Variants in IGSF3 observed in about 807,000 individuals in gnomAD.
IGSF3 encodes glu-Trp-Ile EWI motif-containing protein 3.
A neutral mutation model predicts 114.4 loss-of-function variants in IGSF3; 23 were observed. The ratio of observed to expected loss-of-function variants is 0.20; its 90% CI spans 0.14 to 0.28. The LOEUF is 0.28. Among genes scored for constraint, IGSF3 ranks in the 10% least tolerant of loss-of-function variants. The pLI is 1.00. For missense variants in IGSF3, 1,172 were observed against 1,591.5 expected (o/e 0.74, Z 4.48); for synonymous variants, 571 against 645.2 (o/e 0.88, Z 1.74).
rs1171134446 is a variant in IGSF3, at chr1:116,647,550, A to T, written c.43+18734T>A. ...CTAAGTGCTTTCCTCAGATGTTTCCATTTAACTCTTAAAATCACCCTAATG... is the reference window on the plus strand; with the variant it reads ...CTAAGTGCTTTCCTCAGATGTTTCCTTTTAACTCTTAAAATCACCCTAATG... On this transcript the variant is annotated intron_variant, in intron 2 of 10. Coordinates refer to ENST00000369486, the MANE Select transcript of IGSF3 (RefSeq NM_001007237.3). This position sits in a 1 kb window ranked among gnomAD's most constrained non-coding sequence, Gnocchi z 4.6. 1.3e-5 allele frequency among the ~76,000 whole-genome samples: 2 copies of T among 152,236 alleles called. No individual in the cohort carries two copies. Among genetic ancestry groups the T allele is most frequent in the African/African-American group, 4.8e-5 (2 of 41,460 alleles).
rs758570352 is a variant in IGSF3 at position 116,614,608 on chromosome 1, C to T, written c.422-433G>A. Among the ~76,000 whole-genome samples the T allele has an allele frequency of 6.6e-6, 1 of 152,212 alleles. No individual in the cohort carries two copies. The highest frequency in any genetic ancestry group is 1.5e-5 in the Non-Finnish European group (1 of 68,046). ...GAACTTTTAGTTTTACATTTCTATACAACATCCTTTCTTTCCTTCCCACAT... is the reference window on the plus strand; with the variant it reads ...GAACTTTTAGTTTTACATTTCTATATAACATCCTTTCTTTCCTTCCCACAT... On this transcript the variant is annotated intron_variant, in intron 3 of 10. Transcript: ENST00000369486. This position sits in a 1 kb window ranked among gnomAD's most constrained non-coding sequence, Gnocchi z 4.5.
intron 4 of IGSF3, 125 bp downstream of exon 4, chr1:116,613,640 T>C: frequency 1.1e-6 from 1 of 895,532 alleles, no homozygotes. Context: ...AGACCGGCTT[T>C]AACTTCACAT....
chr1:116,666,850 C>T lies in IGSF3; in HGVS notation c.-524G>A. ...CTTCACCAAAAAGTCCGTTTCCATC[C>T]ATGGTGGTAGGTCACGGAGGCGCCA... On this transcript the variant is annotated 5_prime_UTR_variant, in exon 2 of 11. The change abolishes an upstream ATG in the 5' untranslated region. Coordinates refer to ENST00000369486, the MANE Select transcript of IGSF3 (RefSeq NM_001007237.3). The T allele has an allele frequency of 2.5e-6, 1 of 408,062 alleles. No homozygotes were observed. The highest frequency in any genetic ancestry group is 4.3e-6 in the Non-Finnish European group (1 of 231,510). The allele number at this position is 408,062 out of a possible 1,614,324, so 25.3% of individuals were successfully genotyped here. A position where few individuals can be genotyped will look rare whatever the true frequency, so the allele number is the denominator to read the frequency against.
At chr1:116,606,392 T>G (rs531215536) in intron 5 of IGSF3, 172 of 1,557,126 alleles carry the variant, frequency 1.1e-4, no homozygotes, top group South Asian at 9.3e-4. Context: ...AGATGATATA[T>G]GCAGAAGCAC....
intron 9 of IGSF3, among the ~76,000 whole-genome samples, chr1:116,581,986 A>G (rs1403885849): frequency 6.6e-6 from 1 of 152,212 alleles, no homozygotes; most frequent in Non-Finnish European, 1.5e-5. Context: ...TATCATGGCC[A>G]GGGGCAAGAT....
rs201029133 is a variant in IGSF3 at position 116,588,914 on chromosome 1, T to G, written c.2220A>C (p.Glu740Asp). The G allele has an allele frequency of 3.7e-6, 6 of 1,614,166 alleles. No individual in the cohort carries two copies. Among genetic ancestry groups the G allele is most frequent in the Non-Finnish European group, 5.1e-6 (6 of 1,180,016 alleles). ...ILKTTHNSAF[E>D]YGTYAEEEGL... ...CCTCCTCCTCGGCGTAAGTACCGTATTCAAAGGCGGAGTTGTGGGTGGTCT... is the reference window on the plus strand; with the variant it reads ...CCTCCTCCTCGGCGTAAGTACCGTAGTCAAAGGCGGAGTTGTGGGTGGTCT... Residue 740 changes from glutamate (E) to aspartate (D), a missense_variant, in exon 8 of 11, where the codon GAA (glutamate) becomes GAC (aspartate). Glu to Asp is a conservative substitution (Grantham distance 45). Around this residue, in one of 3 missense-constraint regions of IGSF3, gnomAD observed 736 missense variants for 1,042.0 expected, o/e 0.71. Transcript: ENST00000369486. This position sits in a 1 kb window ranked among gnomAD's most constrained non-coding sequence, Gnocchi z 4.9.
chr1:116,579,284 A>T lies in IGSF3; in HGVS notation c.3334+108T>A. 7.3e-7 allele frequency: 1 copy of T among 1,376,164 alleles called. No individual in the cohort carries two copies. The highest frequency in any genetic ancestry group is 9.9e-7 in the Non-Finnish European group (1 of 1,012,412). 85.2% of individuals were successfully genotyped at this position (1,376,164 alleles called of 1,614,324 possible). ...TCTCAAATCCTACTAATAAATGCCC[A>T]TGACAGTTAAGAAAACTGTTTATTA... On this transcript the variant is annotated intron_variant, in intron 10 of 10. Coordinates refer to ENST00000369486, the MANE Select transcript of IGSF3 (RefSeq NM_001007237.3). The surrounding 1 kb of genome is among the most constrained non-coding windows in gnomAD (Gnocchi z 6.4).
intron 2 of IGSF3, among the ~76,000 whole-genome samples, chr1:116,635,689 C>T (rs1465184644): frequency 2.6e-5 from 4 of 152,230 alleles, no homozygotes; most frequent in African/African-American, 9.6e-5. Flanking sequence ...TGTTGGGACA[C>T]TGAAGTATTC....
chr1:116,650,839 T>G lies in IGSF3; in HGVS notation c.43+15445A>C, dbSNP rs182829390. ...TGCACAGAAAATGGAAAAAGAGCCA[T>G]GAAATCCAAACAGATGCAAAAACGT... On this transcript the variant is annotated intron_variant, in intron 2 of 10. Coordinates refer to ENST00000369486, the MANE Select transcript of IGSF3 (RefSeq NM_001007237.3). This position sits in a 1 kb window ranked among gnomAD's most constrained non-coding sequence, Gnocchi z 5.0. Among the ~76,000 whole-genome samples, 2 of 152,214 alleles carry G rather than the reference T, an allele frequency of 1.3e-5. No homozygotes were observed. Among genetic ancestry groups the G allele is most frequent in the Admixed American group, 6.5e-5 (1 of 15,290 alleles).
chr1:116,658,512 T>A (rs1648965312), intron 2 of IGSF3, among the ~76,000 whole-genome samples: 1 of 152,060 alleles, frequency 6.6e-6, no homozygotes. Context: ...CGCCCACCTG[T>A]CTCTAGCCCA....
intron 2 of IGSF3, among the ~76,000 whole-genome samples, chr1:116,621,687 G>A (rs1661425756): frequency 6.6e-6 from 1 of 152,050 alleles, no homozygotes. Context: ...ACATACACAT[G>A]AGTGTGTTCT....
At chr1:116,660,211 T>G (rs917753139) in intron 2 of IGSF3, among the ~76,000 whole-genome samples, 1 of 152,232 alleles carries the variant, frequency 6.6e-6, no homozygotes, top group African/African-American at 2.4e-5. Flanking sequence ...TTATCAGGAC[T>G]TAATTGGGAG....
chr1:116,666,136 G>A (rs1649321225), intron 2 of IGSF3, 148 bp downstream of exon 2: 4 of 758,810 alleles, frequency 5.3e-6, no homozygotes, highest in South Asian at 1.4e-5. Context: ...GGGCCTCTTC[G>A]TACTCTACTC....
Position 116,583,273 on chromosome 1 carries a change from C to T in IGSF3, c.2848+1372G>A, listed in dbSNP as rs1187183050. 6.6e-6 allele frequency among the ~76,000 whole-genome samples: 1 copy of T among 152,204 alleles called. No individual in the cohort carries two copies. Among genetic ancestry groups the T allele is most frequent in the Non-Finnish European group, 1.5e-5 (1 of 68,040 alleles). On this transcript the variant is annotated intron_variant, in intron 9 of 10. Coordinates refer to ENST00000369486, the MANE Select transcript of IGSF3 (RefSeq NM_001007237.3). This position sits in a 1 kb window ranked among gnomAD's most constrained non-coding sequence, Gnocchi z 4.5. ...TGGGAGGGAGTTGAGGGAGTGGGGG[C>T]ACTCAGCTGCCATTCTCTACAATTT...
chr1:116,617,997 G>T (rs1251028794), intron 2 of IGSF3, among the ~76,000 whole-genome samples: 1 of 152,234 alleles, frequency 6.6e-6, no homozygotes, highest in Non-Finnish European at 1.5e-5. Flanking sequence ...GATCCAGCTG[G>T]TGAACAGCCG....
At position 116,634,196 on chromosome 1, in the gene IGSF3, C is replaced by T. The variant is rs1390613204; in HGVS notation, c.44-17739G>A. Among the ~76,000 whole-genome samples, 1 of 152,168 alleles carries T rather than the reference C, an allele frequency of 6.6e-6. No homozygotes were observed. The highest frequency in any genetic ancestry group is 1.5e-5 in the Non-Finnish European group (1 of 68,036). On this transcript the variant is annotated intron_variant, in intron 2 of 10. Coordinates refer to ENST00000369486, the MANE Select transcript of IGSF3 (RefSeq NM_001007237.3). The surrounding 1 kb of genome is among the most constrained non-coding windows in gnomAD (Gnocchi z 4.2). Reference sequence around the variant, plus strand: ...GTGAATGTATTACCTATTCGAAAAACAAATGAGTAAAAACACATGCCACGA... The same window carrying T: ...GTGAATGTATTACCTATTCGAAAAATAAATGAGTAAAAACACATGCCACGA...
chr1:116,615,416 G>A lies in IGSF3; in HGVS notation c.421+664C>T, dbSNP rs1291452379. ...AACTAGCAACACCCACTGCTTAGTT[G>A]TGATAATAAAAACTGGACATTAAGA... is the stretch of plus-strand genomic sequence containing the variant. On this transcript the variant is annotated intron_variant, in intron 3 of 10. Coordinates refer to ENST00000369486, the MANE Select transcript of IGSF3 (RefSeq NM_001007237.3). This position sits in a 1 kb window ranked among gnomAD's most constrained non-coding sequence, Gnocchi z 4.3. Among the ~76,000 whole-genome samples the A allele has an allele frequency of 6.6e-6, 1 of 152,214 alleles. No individual in the cohort carries two copies. Among genetic ancestry groups the A allele is most frequent in the Non-Finnish European group, 1.5e-5 (1 of 68,034 alleles).
At chr1:116,658,574 C>T (rs983832036) in intron 2 of IGSF3, among the ~76,000 whole-genome samples, 5 of 152,122 alleles carry the variant, frequency 3.3e-5, no homozygotes, top group African/African-American at 9.7e-5. Context: ...AAATCTACAC[C>T]CTTAGGGTTC....
intron 6 of IGSF3, among the ~76,000 whole-genome samples, chr1:116,602,702 C>T (rs1660640180): frequency 6.6e-6 from 1 of 152,340 alleles, no homozygotes; most frequent in South Asian, 2.1e-4. Flanking sequence ...GGTGGTGACA[C>T]AGTCCCAGGG....
Sources: allele counts gnomAD v4.1 joint callset (sites outside exome capture counted in the v4.1 genomes callset), GRCh38; gene constraint gnomAD v4.1.1; regional missense constraint gnomAD v4.1.1; non-coding constraint Gnocchi (gnomAD v3.1); transcripts MANE v1.5; gene names NCBI Gene and HGNC (gene_info 2026-07-23, HGNC 2026-07-21).